Variants in UGT1A6 observed in about 807,000 individuals in gnomAD.
The protein encoded by UGT1A6 is UDP glucuronosyltransferase family 1 member A6.
In UGT1A6, 32 loss-of-function variants were observed where a neutral mutation model predicts 44.4. The observed-to-expected ratio is 0.72, with a 90% CI of 0.54 to 0.97. The LOEUF is 0.97. Among genes scored for constraint, UGT1A6 ranks in the 50% least tolerant of loss-of-function variants. The probability of loss-of-function intolerance (pLI) is 0.00; values close to 1 mark genes in which losing one functional copy is unlikely to be tolerated. For synonymous variants in UGT1A6, 238 were observed against 248.5 expected (o/e 0.96, Z 0.40); for missense variants, 685 against 661.9 (o/e 1.03, Z -0.38).
intron 1 of UGT1A6, among the ~76,000 whole-genome samples, chr2:233,702,208 A>C (rs2075676180): frequency 6.6e-6 from 1 of 152,148 alleles, no homozygotes; most frequent in South Asian, 2.1e-4. Context: ...GCCATTAATC[A>C]ACTTTCTGTC....
intron 1 of UGT1A6, chr2:233,721,974 C>G (rs1194611590): frequency 3.7e-5 from 10 of 270,972 alleles, no homozygotes; most frequent in Non-Finnish European, 7.4e-5. Context: ...CATTGATGGC[C>G]TGGGTAGTTT....
intron 1 of UGT1A6, among the ~76,000 whole-genome samples, chr2:233,737,492 C>T (rs1256761021): frequency 6.6e-6 from 1 of 152,202 alleles, no homozygotes; most frequent in Non-Finnish European, 1.5e-5. Flanking sequence ...AAAGGGAAAT[C>T]CCTCACCCTC....
At chr2:233,754,995 C>T (rs769077985) in intron 1 of UGT1A6, 25 of 1,295,296 alleles carry the variant, frequency 1.9e-5, no homozygotes, top group Non-Finnish European at 2.3e-5. Flanking sequence ...GTCACGGAAG[C>T]TGAAGACCTA....
chr2:233,717,440 C>G (rs1261238198), intron 1 of UGT1A6, among the ~76,000 whole-genome samples: 3 of 152,238 alleles, frequency 2.0e-5, no homozygotes, highest in Non-Finnish European at 4.4e-5. Context: ...CTGATGGACG[C>G]ATCCATTCAC....
At position 233,756,997 on chromosome 2, in the gene UGT1A6, A is replaced by G. The variant is rs1051475353; in HGVS notation, c.862-10037A>G. Among the ~76,000 whole-genome samples the G allele has an allele frequency of 5.9e-5, 9 of 151,946 alleles. No homozygotes were observed. The highest frequency in any genetic ancestry group is 1.9e-4 in the African/African-American group (8 of 41,328). On this transcript the variant is annotated intron_variant, in intron 1 of 4. Coordinates refer to ENST00000305139, the MANE Select transcript of UGT1A6 (RefSeq NM_001072.4). ...AATGAACAGTCATAGTAAGCTGGCC[A>G]AGGGTAGAGTTCAGTTTGAACAAAG...
At chr2:233,760,288 A>T (rs1697385056) in intron 1 of UGT1A6, 1 of 1,613,272 alleles carries the variant, frequency 6.2e-7, no homozygotes, top group East Asian at 2.2e-5. Flanking sequence ...CAAAGGCGCC[A>T]TGGCTGTGGA....
rs115410088 is a variant in UGT1A6, at chr2:233,772,335, T to C, written c.1375T>C (p.Phe459Leu). Residue 459 changes from phenylalanine to leucine, a missense_variant, in exon 5 of 5, where the codon TTC becomes CTC. Phe to Leu is a conservative substitution (Grantham distance 22, BLOSUM62 0). Coordinates refer to ENST00000305139, the MANE Select transcript of UGT1A6 (RefSeq NM_001072.4). ...GGTGGAGCCGCTGGACCTGGCCGTG[T>C]TCTGGGTGGAGTTTGTGATGAGGCA... Reference protein sequence around the residue: ...RPVEPLDLAVFWVEFVMRHKG... With the variant: ...RPVEPLDLAVLWVEFVMRHKG... The C allele has an allele frequency of 2.5e-5, 41 of 1,614,238 alleles. No individual in the cohort carries two copies. Among genetic ancestry groups the C allele is most frequent in the Non-Finnish European group, 3.4e-5 (40 of 1,180,030 alleles).
intron 1 of UGT1A6, among the ~76,000 whole-genome samples, chr2:233,699,170 C>G (rs1397049882): frequency 6.6e-6 from 1 of 152,190 alleles, no homozygotes; most frequent in Non-Finnish European, 1.5e-5. Context: ...GTCTGTCTCT[C>G]TGATCCTCAC....
intron 1 of UGT1A6, among the ~76,000 whole-genome samples, chr2:233,766,449 C>T (rs1213957356): frequency 6.6e-6 from 1 of 152,156 alleles, no homozygotes; most frequent in Non-Finnish European, 1.5e-5. Flanking sequence ...TGTCTGCCTG[C>T]TAGGGTCTTG....
At chr2:233,719,705 C>T (rs774192845) in intron 1 of UGT1A6, 50 of 1,613,844 alleles carry the variant, frequency 3.1e-5, no homozygotes, top group Middle Eastern at 1.7e-4. Context: ...TTGGTGCCTT[C>T]ATCCAATCAA....
intron 1 of UGT1A6, among the ~76,000 whole-genome samples, chr2:233,720,845 G>A (rs1182683135): frequency 1.3e-5 from 2 of 150,558 alleles, no homozygotes; most frequent in African/African-American, 2.5e-5. Flanking sequence ...AACTGGGACT[G>A]CAGGCATGTG....
At chr2:233,697,247 A>G (rs1425616459) in intron 1 of UGT1A6, among the ~76,000 whole-genome samples, 1 of 152,056 alleles carries the variant, frequency 6.6e-6, no homozygotes, top group Non-Finnish European at 1.5e-5. Flanking sequence ...TTACTGCTTC[A>G]ATCTTGTTAC....
chr2:233,763,825 C>A (rs564952155), intron 1 of UGT1A6, among the ~76,000 whole-genome samples: 1 of 152,266 alleles, frequency 6.6e-6, no homozygotes, highest in South Asian at 2.1e-4. Context: ...GATGTTCCTC[C>A]CCTGCCAGGG....
chr2:233,718,235 C>G (rs531002147), intron 1 of UGT1A6, among the ~76,000 whole-genome samples: 1 of 152,318 alleles, frequency 6.6e-6, no homozygotes, highest in African/African-American at 2.4e-5. Flanking sequence ...AGAGAGTCCT[C>G]TTTGAGCTTT....
chr2:233,747,691 T>A, intron 1 of UGT1A6: 3 of 1,611,090 alleles, frequency 1.9e-6, no homozygotes, highest in Non-Finnish European at 2.5e-6. Context: ...TGTGGGGCAG[T>A]GCTGGCTAAG....
Position 233,754,880 on chromosome 2 carries a change from C to T in UGT1A6, c.862-12154C>T, listed in dbSNP as rs764187223. Reference sequence around the variant, plus strand: ...GTGCAGACCCTCTGCTTCTGCTTCCCAGGGAGTTCCTCTGACCCCCCAAAA... The same window carrying T: ...GTGCAGACCCTCTGCTTCTGCTTCCTAGGGAGTTCCTCTGACCCCCCAAAA... On this transcript the variant is annotated intron_variant, in intron 1 of 4. Transcript: ENST00000305139. 3.0e-6 allele frequency: 4 copies of T among 1,352,340 alleles called. No homozygotes were observed. The South Asian group carries it at 4.6e-5, about 15-fold the overall frequency. The allele number at this position is 1,352,340 out of a possible 1,614,324, so 83.8% of individuals were successfully genotyped here.
intron 1 of UGT1A6, among the ~76,000 whole-genome samples, chr2:233,732,156 ATTTG>A: frequency 6.6e-6 from 1 of 152,010 alleles, no homozygotes; most frequent in Non-Finnish European, 1.5e-5. Context: ...TTTCTTGTAA[ATTTG>A]TTTGAGTTCT....
At chr2:233,759,947 C>T (rs1327771342) in intron 1 of UGT1A6, among the ~76,000 whole-genome samples, 1 of 152,176 alleles carries the variant, frequency 6.6e-6, no homozygotes, top group Non-Finnish European at 1.5e-5. Flanking sequence ...CTAACTTGTT[C>T]ACTACATAGT....
At chr2:233,697,743 A>T (rs1322663266) in intron 1 of UGT1A6, among the ~76,000 whole-genome samples, 2 of 152,094 alleles carry the variant, frequency 1.3e-5, no homozygotes, top group African/African-American at 2.4e-5. Context: ...TGGTTTTGCT[A>T]TAGCCCATAG....
Sources: allele counts gnomAD v4.1 joint callset (sites outside exome capture counted in the v4.1 genomes callset), GRCh38; gene constraint gnomAD v4.1.1; transcripts MANE v1.5; gene names NCBI Gene and HGNC (gene_info 2026-07-23, HGNC 2026-07-21).